Variants in PHF8 observed in about 807,000 individuals in gnomAD.
PHF8 encodes the protein histone lysine demethylase PHF8.
Under a neutral mutation model 74.4 loss-of-function variants are expected in PHF8, and 9 were observed. That is an observed-to-expected ratio of 0.12 (90% CI 0.07 to 0.21). The LOEUF (loss-of-function observed/expected upper bound fraction) is 0.21. Among genes scored for constraint, PHF8 ranks in the 10% least tolerant of loss-of-function variants. The probability of loss-of-function intolerance (pLI) is 1.00; values close to 1 mark genes in which losing one functional copy is unlikely to be tolerated. For synonymous variants in PHF8, 311 were observed against 316.6 expected, an observed-to-expected ratio of 0.98 and a Z score of 0.19; for missense variants, 478 against 816.6, an observed-to-expected ratio of 0.59 and a Z score of 5.05.
intron 7 of PHF8, among the ~76,000 whole-genome samples, chrX:54,011,698 C>T (rs1389907938): frequency 9.0e-6 from 1 of 110,959 alleles, no homozygotes; most frequent in Non-Finnish European, 1.9e-5. Context: ...ATGCCATTTA[C>T]AGAGTGTTCC....
intron 18 of PHF8, among the ~76,000 whole-genome samples, chrX:53,981,301 T>C (rs1208817688): frequency 8.9e-6 from 1 of 112,494 alleles, no homozygotes; most frequent in African/African-American, 3.2e-5. Context: ...CAATTTTCCA[T>C]AGTTGTTTAC....
chrX:54,046,582 C>CAA (rs58124156), upstream of PHF8, among the ~76,000 whole-genome samples: 114 of 88,719 alleles, frequency 1.3e-3, no homozygotes, highest in Middle Eastern at 0.011. Context: ...GACTCCATCT[C>CAA]AAAAAAAAAA....
chrX:53,992,910 T>C (rs1341924334), intron 13 of PHF8, 71 bp from the exon 14 acceptor site: 2 of 688,621 alleles, frequency 2.9e-6, no homozygotes, highest in Admixed American at 5.1e-5. Flanking sequence ...AAGTTCCCTC[T>C]GGTTTCACTG....
Position 53,999,930 on chromosome X carries a change from G to C in PHF8, c.1173C>G (p.Ser391=). 1 of 1,202,184 alleles carries C rather than the reference G, an allele frequency of 8.3e-7. No individual in the cohort carries two copies. The highest frequency in any genetic ancestry group is 1.1e-6 in the Non-Finnish European group (1 of 887,002). The change falls in exon 11 of 22, where the codon TCC becomes TCG. Residue 391 remains serine, a synonymous_variant. Coordinates refer to ENST00000338154, the MANE Select transcript of PHF8 (RefSeq NM_015107.3). ...GLRENRRHPA[S]YLVHGGKALN... is the part of the protein sequence containing the mutation. ...AGGCTTTGCCACCATGGACCAGGTA[G>C]GAGGCAGGGTGTCTCCTGTTCTCTC...
In PHF8 at chrX:54,042,818, T is replaced by C. The variant is rs782087447; in HGVS notation, c.-90A>G. On this transcript the variant is annotated splice_region_variant and 5_prime_UTR_variant, in exon 2 of 22. Transcript: ENST00000338154. The stretch of plus-strand genomic sequence containing the variant: ...GGCAGCACGCGTCCTCTCTGGACGA[T>C]AGCTAGGCACAAATAACACTTTTTA... 7 of 1,139,700 alleles carry C rather than the reference T, an allele frequency of 6.1e-6. No individual in the cohort carries two copies. The Middle Eastern group carries it at 7.3e-4, about 119-fold the overall frequency. The allele number at this position is 1,139,700 out of a possible 1,213,427, so 93.9% of individuals were successfully genotyped here. A position where few individuals can be genotyped will look rare whatever the true frequency, so the allele number is the denominator to read the frequency against.
chrX:53,999,343 T>C (rs986941856), intron 11 of PHF8: 1 of 120,935 alleles, frequency 8.3e-6, no homozygotes, highest in Non-Finnish European at 1.7e-5. Context: ...TAATACAGTA[T>C]ACAACACAAA....
chrX:54,003,832 C>A (rs1333060138), intron 8 of PHF8, among the ~76,000 whole-genome samples: 1 of 111,930 alleles, frequency 8.9e-6, no homozygotes, highest in Non-Finnish European at 1.9e-5. Context: ...CTGCTTCACA[C>A]AGTTTTGGTT....
At position 54,014,367 on chromosome X, in the gene PHF8, G is replaced by A. The variant is rs782426468; in HGVS notation, c.783+10C>T. On this transcript the variant is annotated intron_variant, in intron 7 of 21. Transcript: ENST00000338154. Reference sequence around the variant, plus strand: ...GCCTGGCTGCCTCCAGAAGCCATGCGCATTCCTACCTTGAGTACATGGTAC... The same window carrying A: ...GCCTGGCTGCCTCCAGAAGCCATGCACATTCCTACCTTGAGTACATGGTAC... 32 of 1,191,564 alleles carry A rather than the reference G, an allele frequency of 2.7e-5. No individual in the cohort carries two copies. In the African/African-American group the frequency reaches 4.4e-4, roughly 16 times the overall value.
chrX:53,963,002 C>CACCT, intron 18 of PHF8, 63 bp from the exon 19 acceptor site: 1 of 673,871 alleles, frequency 1.5e-6, no homozygotes, highest in Non-Finnish European at 2.5e-6. Context: ...GATAGAATGA[C>CACCT]ACCTACTCCA....
rs782395569 is a variant in PHF8 at position 54,016,632 on chromosome X, C to G, written c.559G>C (p.Val187Leu). 2 of 1,198,944 alleles carry G rather than the reference C, an allele frequency of 1.7e-6. No homozygotes were observed. The highest frequency in any genetic ancestry group is 3.5e-5 in the African/African-American group (2 of 56,750). The change falls in exon 6 of 22, where the codon GTC (valine) becomes CTC (leucine). Residue 187 changes from valine (V) to leucine (L), a missense_variant. Physicochemically the swap from Val to Leu is conservative, Grantham distance 32. Around this residue, in one of 9 missense-constraint regions of PHF8, gnomAD observed 70 missense variants for 234.1 expected, o/e 0.30. Coordinates refer to ENST00000338154, the MANE Select transcript of PHF8 (RefSeq NM_015107.3). ...KYYYSGKREKVLNVISLEFSD... is the reference protein window; with the variant it reads ...KYYYSGKREKLLNVISLEFSD... ...AATTCCAAACTAATGACATTGAGGACTTTCTCCCTCTTCCCGCTGTAATAG... is the reference window on the plus strand; with the variant it reads ...AATTCCAAACTAATGACATTGAGGAGTTTCTCCCTCTTCCCGCTGTAATAG...
At chrX:53,980,932 G>C (rs2065470213) in intron 18 of PHF8, among the ~76,000 whole-genome samples, 1 of 112,895 alleles carries the variant, frequency 8.9e-6, no homozygotes, top group Non-Finnish European at 1.9e-5. Flanking sequence ...AAGATGTCTG[G>C]CTGGGCCTGG....
At chrX:53,980,510 A>C (rs1557097646) in intron 18 of PHF8, among the ~76,000 whole-genome samples, 1 of 111,811 alleles carries the variant, frequency 8.9e-6, no homozygotes, top group Admixed American at 9.6e-5. Flanking sequence ...TTCAGCTGCC[A>C]AAAGTGTAAG....
chrX:54,044,082 G>T lies in PHF8; in HGVS notation c.-413C>A. ...GGTCGCGCGGCGCCAGCCGCTCAAC[G>T]GTGCTTCAGAGCAGCCTCCTCCACA... On this transcript the variant is annotated 5_prime_UTR_variant, in exon 1 of 22. Coordinates refer to ENST00000338154, the MANE Select transcript of PHF8 (RefSeq NM_015107.3). The T allele has an allele frequency of 1.3e-6, 1 of 755,228 alleles. No individual in the cohort carries two copies. The highest frequency in any genetic ancestry group is 1.6e-6 in the Non-Finnish European group (1 of 639,525). 62.2% of individuals were successfully genotyped at this position (755,228 alleles called of 1,213,427 possible).
At chrX:54,022,213 C>T (rs1480094895) in intron 4 of PHF8, 46 bp downstream of exon 4, 2 of 764,014 alleles carry the variant, frequency 2.6e-6, no homozygotes, top group African/African-American at 2.1e-5. Flanking sequence ...GTTCCAGCTT[C>T]CCAGAGCCCT....
intron 14 of PHF8, among the ~76,000 whole-genome samples, chrX:53,990,130 A>G (rs1377147827): frequency 1.8e-5 from 2 of 111,879 alleles, no homozygotes; most frequent in Non-Finnish European, 3.8e-5. Context: ...AGCCCAGGCA[A>G]TACAGCAAGA....
chrX:53,999,984 A>T, intron 10 of PHF8, 23 bp from the exon 11 acceptor site: 1 of 1,017,793 alleles, frequency 9.8e-7, no homozygotes, highest in Non-Finnish European at 1.4e-6. Flanking sequence ...AGAGGAAAGC[A>T]GAGTGTCAAC....
chrX:53,951,105 CCAAA>C (rs1156749026), intron 19 of PHF8, among the ~76,000 whole-genome samples: 1 of 112,103 alleles, frequency 8.9e-6, no homozygotes, highest in Non-Finnish European at 1.9e-5. Context: ...TAAAAAGAAA[CCAAA>C]CAGTTATTTT....
chrX:53,941,070 GTAGAAAGAT>G (rs1344124493), intron 20 of PHF8, among the ~76,000 whole-genome samples: 2 of 112,023 alleles, frequency 1.8e-5, no homozygotes, highest in Non-Finnish European at 3.8e-5. Flanking sequence ...AAATCTGAGC[GTAGAAAGAT>G]TAGAAAGATT....
chrX:54,041,541 GT>G (rs1455869365), intron 2 of PHF8, among the ~76,000 whole-genome samples: 1 of 111,503 alleles, frequency 9.0e-6, no homozygotes, highest in Non-Finnish European at 1.9e-5. Context: ...CCCCCTCAAG[GT>G]TGTCTTTCCA....
Sources: gnomAD v4.1 joint callset for allele counts (sites outside exome capture counted in the v4.1 genomes callset) on GRCh38, gnomAD v4.1.1 for gene constraint, gnomAD v4.1.1 regional missense constraint, MANE v1.5 for transcripts, NCBI Gene and HGNC (gene_info 2026-07-23, HGNC 2026-07-21) for gene names.